The following INVS variants were observed in gnomAD, a reference collection of about 807,000 sequenced individuals.
INVS encodes inversin.
Under a neutral mutation model 108.8 loss-of-function variants are expected in INVS, and 86 were observed. The ratio of observed to expected loss-of-function variants is 0.79; its 90% confidence interval spans 0.66 to 0.95. The LOEUF is 0.95. Among genes scored for constraint, INVS ranks in the 40% least tolerant of loss-of-function variants. The probability of loss-of-function intolerance (pLI) is 0.00; values close to 1 mark genes in which losing one functional copy is unlikely to be tolerated. For synonymous variants in INVS, 455 were observed against 473.5 expected, an observed-to-expected ratio of 0.96 and a Z score of 0.51; for missense variants, 1,169 against 1,297.4, an observed-to-expected ratio of 0.90 and a Z score of 1.52.
intron 5 of INVS, among the ~76,000 whole-genome samples, chr9:100,238,718 C>G (rs1475774451): frequency 6.6e-6 from 1 of 152,190 alleles, no homozygotes; most frequent in Non-Finnish European, 1.5e-5. Context: ...ATAAGTCCAA[C>G]CTGTTGTTTA....
chr9:100,190,405 A>G (rs1830183845), intron 3 of INVS, among the ~76,000 whole-genome samples: 1 of 152,128 alleles, frequency 6.6e-6, no homozygotes, highest in African/African-American at 2.4e-5. Flanking sequence ...TTCAGTCATC[A>G]TTGTTGACTG....
intron 3 of INVS, among the ~76,000 whole-genome samples, chr9:100,166,061 A>C (rs754864142): frequency 6.6e-6 from 1 of 152,312 alleles, no homozygotes; most frequent in Non-Finnish European, 1.5e-5. Flanking sequence ...TTTTAAACTT[A>C]ACCTCTTCTT....
intron 3 of INVS, among the ~76,000 whole-genome samples, chr9:100,150,858 A>T (rs934163193): frequency 3.9e-5 from 6 of 152,192 alleles, no homozygotes; most frequent in Admixed American, 1.3e-4. Context: ...CACAAGGTGC[A>T]AATGATCATT....
intron 3 of INVS, chr9:100,215,308 A>C (rs1242455540): frequency 2.6e-5 from 4 of 152,266 alleles, no homozygotes; most frequent in South Asian, 2.1e-4. Context: ...AAAAGAAAGA[A>C]GCAAGATAAC....
At chr9:100,225,847 A>G (rs752669389) in intron 3 of INVS, among the ~76,000 whole-genome samples, 4 of 152,340 alleles carry the variant, frequency 2.6e-5, no homozygotes, top group Admixed American at 6.5e-5. Context: ...GCCAGCCACT[A>G]TGTAAATTAT....
intron 3 of INVS, among the ~76,000 whole-genome samples, chr9:100,191,320 T>A (rs1436074503): frequency 6.6e-6 from 1 of 152,218 alleles, no homozygotes; most frequent in Admixed American, 6.5e-5. Flanking sequence ...CTAGTGATTC[T>A]TTGGTTTGGC....
chr9:100,100,954 AT>A (rs1250380745), intron 1 of INVS, among the ~76,000 whole-genome samples: 6 of 35,098 alleles, frequency 1.7e-4, no homozygotes, highest in South Asian at 1.2e-3. Flanking sequence ...ATACATATAT[AT>A]TATATATATA....
chr9:100,188,619 G>T (rs1460935170), intron 3 of INVS, among the ~76,000 whole-genome samples: 3 of 149,370 alleles, frequency 2.0e-5, no homozygotes, highest in Admixed American at 2.0e-4. Flanking sequence ...CAGGGCTATT[G>T]GTCTGTAGTT....
chr9:100,292,180 A>G (rs974282596), intron 13 of INVS, 146 bp from the exon 14 acceptor site: 13 of 756,048 alleles, frequency 1.7e-5, no homozygotes, highest in Non-Finnish European at 3.0e-5. Context: ...TGCTGGAAAT[A>G]GAAGTTAAAC....
At position 100,301,802 on chromosome 9, in the gene INVS, G is replaced by GTT. The variant is rs1299250537; in HGVS notation, c.*1130_*1131dup. 6.6e-6 allele frequency among the ~76,000 whole-genome samples: 1 copy of GTT among 152,130 alleles called. No homozygotes were observed. The highest frequency in any genetic ancestry group is 2.4e-5 in the African/African-American group (1 of 41,422). On this transcript the variant is annotated 3_prime_UTR_variant, in exon 17 of 17. Coordinates refer to ENST00000262457, the MANE Select transcript of INVS (RefSeq NM_014425.5). ...GTTCACTTAATTACCTTGGTTTTTAGTTTACTAATTATTACATTCATCGTT... is the reference window on the plus strand; with the variant it reads ...GTTCACTTAATTACCTTGGTTTTTAGTTTTTACTAATTATTACATTCATCGTT...
intron 3 of INVS, among the ~76,000 whole-genome samples, chr9:100,189,106 C>CTTTTTTTTTTTTTTTTTTTTTTT (rs60762136): frequency 1.3e-4 from 9 of 69,560 alleles, no homozygotes; most frequent in African/African-American, 2.0e-4. Context: ...TTTGCATCTT[C>CTTTTTTTTTTTTTTTTTTTTTTT]TTTTTTTTTT....
rs1402256822 is a variant in INVS, at chr9:100,301,502, A to C, written c.*828A>C. On this transcript the variant is annotated 3_prime_UTR_variant, in exon 17 of 17. Transcript: ENST00000262457. The stretch of plus-strand genomic sequence containing the variant: ...TACTTGTATTTTCTGACCAACTTGC[A>C]GAAGTGAGCAATCTTCTTAAAATGC... 6.6e-6 allele frequency among the ~76,000 whole-genome samples: 1 copy of C among 152,210 alleles called. No homozygotes were observed. The highest frequency in any genetic ancestry group is 2.4e-5 in the African/African-American group (1 of 41,450).
chr9:100,166,813 A>G (rs1270043255), intron 3 of INVS, among the ~76,000 whole-genome samples: 1 of 152,166 alleles, frequency 6.6e-6, no homozygotes, highest in Non-Finnish European at 1.5e-5. Context: ...CCTTGCTTGG[A>G]TAATTATAAT....
chr9:100,147,854 T>C (rs567005227), intron 3 of INVS, among the ~76,000 whole-genome samples: 20 of 152,082 alleles, frequency 1.3e-4, no homozygotes, highest in African/African-American at 4.6e-4. Flanking sequence ...AATAAGAGTA[T>C]GTAAAATTAA....
At chr9:100,183,308 G>T (rs548057025) in intron 3 of INVS, among the ~76,000 whole-genome samples, 8 of 152,116 alleles carry the variant, frequency 5.3e-5, no homozygotes, top group Non-Finnish European at 7.4e-5. Context: ...ATATAGTAAA[G>T]CATGAATACA....
chr9:100,159,277 A>G (rs552246027), intron 3 of INVS, among the ~76,000 whole-genome samples: 1 of 152,324 alleles, frequency 6.6e-6, no homozygotes, highest in Non-Finnish European at 1.5e-5. Flanking sequence ...TTCATGAAGG[A>G]GAGAGAATTT....
chr9:100,248,689 G>T (rs570406792), intron 8 of INVS, among the ~76,000 whole-genome samples: 1 of 151,928 alleles, frequency 6.6e-6, no homozygotes, highest in South Asian at 2.1e-4. Flanking sequence ...TCTCAGCTTC[G>T]TGTTGATCCT....
Position 100,273,082 on chromosome 9 carries a change from T to C in INVS, c.1784+6T>C. 1.2e-6 allele frequency: 2 copies of C among 1,612,448 alleles called. No individual in the cohort carries two copies. The highest frequency in any genetic ancestry group is 8.5e-7 in the Non-Finnish European group (1 of 1,178,756). ...AGAAAAGATGCTGCTGCCAAGTAAG[T>C]ATGAGCTACGCAGATTGCGTTTTCG... On this transcript the variant is annotated splice_donor_region_variant and intron_variant, in intron 12 of 16. Transcript: ENST00000262457.
chr9:100,140,238 A>G (rs1015354378), intron 3 of INVS, among the ~76,000 whole-genome samples: 2 of 151,504 alleles, frequency 1.3e-5, no homozygotes, highest in East Asian at 3.9e-4. Context: ...CAACAAGGCT[A>G]TTTATTTCAC....
Sources: gnomAD v4.1 joint callset for allele counts (sites outside exome capture counted in the v4.1 genomes callset) on GRCh38, gnomAD v4.1.1 for gene constraint, MANE v1.5 for transcripts, NCBI Gene and HGNC (gene_info 2026-07-23, HGNC 2026-07-21) for gene names.